Variants in JAG2 observed in about 807,000 individuals in gnomAD.
The protein encoded by JAG2 is protein jagged-2.
A neutral mutation model predicts 141.7 loss-of-function variants in JAG2; 46 were observed. That is an observed-to-expected ratio of 0.32 (90% CI 0.26 to 0.42). The LOEUF is 0.42. Ranked by LOEUF, JAG2 falls within the 10% of genes least tolerant of loss-of-function variation. JAG2 has a pLI of 1.00. For missense variants in JAG2, 1,500 were observed against 1,817.5 expected, an observed-to-expected ratio of 0.83 and a Z score of 3.18; for synonymous variants, 862 against 763.5, an observed-to-expected ratio of 1.13 and a Z score of -2.13.
At position 105,150,589 on chromosome 14, in the gene JAG2, C is replaced by G; in HGVS notation, c.1602+15G>C. On this transcript the variant is annotated intron_variant, in intron 12 of 25. Transcript: ENST00000331782. ...CAGAGCAGCAGGTGGGGCAGGGTGA[C>G]CAGGCAGACCTCACCTCACAGAGAG... is the stretch of plus-strand genomic sequence containing the variant. 6.5e-7 allele frequency: 1 copy of G among 1,544,004 alleles called. No individual in the cohort carries two copies. The highest frequency in any genetic ancestry group is 1.4e-5 in the African/African-American group (1 of 73,034).
intron 2 of JAG2, among the ~76,000 whole-genome samples, chr14:105,162,656 ACCTT>A (rs1318656567): frequency 6.9e-6 from 1 of 144,770 alleles, no homozygotes; most frequent in Non-Finnish European, 1.5e-5. Flanking sequence ...GGTCCAGGGC[ACCTT>A]AAAGCCCAGG....
chr14:105,152,735 G>A (rs1888474633), intron 5 of JAG2, among the ~76,000 whole-genome samples: 2 of 152,156 alleles, frequency 1.3e-5, no homozygotes, highest in Admixed American at 1.3e-4. Context: ...GGCACAGCAC[G>A]TGCCCTCGCC....
intron 24 of JAG2, 113 bp from the exon 25 acceptor site, chr14:105,143,751 G>T: frequency 7.6e-7 from 1 of 1,317,056 alleles, no homozygotes; most frequent in Non-Finnish European, 1.1e-6. Flanking sequence ...CACGGGAGAC[G>T]AGAGCCCGGG....
intron 3 of JAG2, among the ~76,000 whole-genome samples, chr14:105,156,259 G>A: frequency 6.6e-6 from 1 of 152,184 alleles, no homozygotes; most frequent in East Asian, 1.9e-4. Flanking sequence ...GGGCCCTGCA[G>A]GGAGGGCTGC....
At chr14:105,164,500 GA>G (rs1214359184) in intron 2 of JAG2, among the ~76,000 whole-genome samples, 1 of 152,232 alleles carries the variant, frequency 6.6e-6, no homozygotes, top group African/African-American at 2.4e-5. Flanking sequence ...AGGATCCCCT[GA>G]AGGTAGGGTG....
Position 105,148,359 on chromosome 14 carries a change from C to T in JAG2, c.2101G>A (p.Asp701Asn), listed in dbSNP as rs192887377. The T allele has an allele frequency of 1.4e-4, 224 of 1,611,632 alleles. 1 individual carries two copies. In the East Asian group the frequency reaches 1.7e-3, roughly 12 times the overall value. Residue 701 changes from aspartate (D) to asparagine (N), a missense_variant, in exon 16 of 26, where the codon GAC (aspartate) becomes AAC (asparagine). Asp to Asn is a conservative substitution (Grantham distance 23). Coordinates refer to ENST00000331782, the MANE Select transcript of JAG2 (RefSeq NM_002226.5). ...CAGGTCTTGCCCTTCCAGCCGTCGTCGCACGCACAGTAGAAGTCATTGACC... is the reference window on the plus strand; with the variant it reads ...CAGGTCTTGCCCTTCCAGCCGTCGTTGCACGCACAGTAGAAGTCATTGACC... The part of the protein sequence containing the change: ...DLVNDFYCAC[D>N]DGWKGKTCHS...
Position 105,151,019 on chromosome 14 carries a change from C to T in JAG2, c.1353G>A (p.Pro451=), listed in dbSNP as rs749883072. 6.2e-6 allele frequency: 10 copies of T among 1,612,924 alleles called. No individual in the cohort carries two copies. Among genetic ancestry groups the T allele is most frequent in the East Asian group, 2.2e-5 (1 of 44,874 alleles). ...TATGGCAGTTGATGCCCTTCCAGCC[C>T]GGGATGCAATCACAGTAATAGCCGC... is the stretch of plus-strand genomic sequence containing the variant. ...LIGGYYCDCI[P]GWKGINCHIN... Residue 451 remains proline (P), a synonymous_variant, in exon 10 of 26, where the codon CCG becomes CCA. Transcript: ENST00000331782.
Position 105,150,666 on chromosome 14 carries a change from C to G in JAG2, c.1540G>C (p.Glu514Gln), listed in dbSNP as rs777136611. The change falls in exon 12 of 26, where the codon GAG becomes CAG. Residue 514 changes from glutamate to glutamine, a missense_variant. By Grantham distance (29) the Glu-to-Gln change is conservative. Coordinates refer to ENST00000331782, the MANE Select transcript of JAG2 (RefSeq NM_002226.5). ...SSPCHSGGLC[E>Q]DLADGFHCHC... The stretch of plus-strand genomic sequence containing the variant: ...CAGTGGAAGCCGTCGGCCAGGTCCT[C>G]GCAGAGGCCGCCGCTGTGGCAGGGG... 2.6e-6 allele frequency: 4 copies of G among 1,550,430 alleles called. No homozygotes were observed. The highest frequency in any genetic ancestry group is 3.5e-6 in the Non-Finnish European group (4 of 1,147,022).
intron 1 of JAG2, 58 bp downstream of exon 1, chr14:105,168,297 T>C: frequency 1.5e-6 from 1 of 655,724 alleles, no homozygotes; most frequent in Non-Finnish European, 1.9e-6. Flanking sequence ...GCCCGGCCCC[T>C]AGGGGCGGCC....
intron 25 of JAG2, 91 bp downstream of exon 25, chr14:105,143,391 G>A: frequency 6.9e-7 from 1 of 1,458,932 alleles, no homozygotes. Context: ...GTTCCTGGTG[G>A]CTGGCAGGAT....
Position 105,142,706 on chromosome 14 carries a change from C to A in JAG2, c.3706G>T (p.Gly1236Cys), listed in dbSNP as rs201557978. Reference sequence around the variant, plus strand: ...GCTGGCAGCCGCCCCTACTCCTTGCCGGCGTAGCGGGCCTCATTGATGCTC... The same window carrying A: ...GCTGGCAGCCGCCCCTACTCCTTGCAGGCGTAGCGGGCCTCATTGATGCTC... Reference protein sequence around the residue: ...VRSINEARYAGKE With the variant: ...VRSINEARYACKE The change falls in exon 26 of 26, where the codon GGC becomes TGC. Residue 1236 changes from glycine to cysteine, a missense_variant. Gly to Cys is a radical substitution (Grantham distance 159). Transcript: ENST00000331782. 1.1e-5 allele frequency: 18 copies of A among 1,599,468 alleles called. No individual in the cohort carries two copies. Among genetic ancestry groups the A allele is most frequent in the Middle Eastern group, 1.6e-4 (1 of 6,070 alleles).
intron 15 of JAG2, 90 bp from the exon 16 acceptor site, chr14:105,148,529 T>C (rs1595175687): frequency 1.2e-6 from 1 of 859,978 alleles, no homozygotes; most frequent in East Asian, 2.8e-5. Context: ...CTGGGCCAGG[T>C]GAGGACAGAG....
chr14:105,145,522 G>C (rs1165300523), intron 23 of JAG2, among the ~76,000 whole-genome samples: 1 of 152,190 alleles, frequency 6.6e-6, no homozygotes, highest in Non-Finnish European at 1.5e-5. Flanking sequence ...CCCCCAGCTG[G>C]CTGCTCTCCC....
At chr14:105,149,811 G>T (rs587627788) in intron 12 of JAG2, among the ~76,000 whole-genome samples, 6 of 133,376 alleles carry the variant, frequency 4.5e-5, no homozygotes, top group Non-Finnish European at 8.0e-5. Flanking sequence ...GGAGGTGGGT[G>T]GGGGGAGGCA....
chr14:105,147,603 G>T, intron 18 of JAG2, 76 bp from the exon 19 acceptor site: 1 of 1,464,954 alleles, frequency 6.8e-7, no homozygotes, highest in Non-Finnish European at 9.5e-7. Flanking sequence ...GGCTGGCTTG[G>T]CGTGATCAGG....
chr14:105,150,356 G>A (rs587664624), intron 12 of JAG2, among the ~76,000 whole-genome samples: 10 of 152,172 alleles, frequency 6.6e-5, no homozygotes, highest in Non-Finnish European at 8.8e-5. Context: ...CCAGCAGCCC[G>A]GGGGCTCCTA....
At chr14:105,157,465 A>G (rs1392915229) in intron 3 of JAG2, among the ~76,000 whole-genome samples, 1 of 152,204 alleles carries the variant, frequency 6.6e-6, no homozygotes, top group Non-Finnish European at 1.5e-5. Flanking sequence ...ATGGGCCCCA[A>G]AAGAGCACAC....
rs587721362 is a variant in JAG2, at chr14:105,163,243, G to A, written c.417+4514C>T. Among the ~76,000 whole-genome samples, 15 of 152,294 alleles carry A rather than the reference G, an allele frequency of 9.8e-5. No homozygotes were observed. The South Asian group carries it at 2.5e-3, about 25-fold the overall frequency. ...CAGGCCTCTGCCACCATTGTCACCC[G>A]AGGCAGGGAAGAAGGGGTGGGGGCA... On this transcript the variant is annotated intron_variant, in intron 2 of 25. Coordinates refer to ENST00000331782, the MANE Select transcript of JAG2 (RefSeq NM_002226.5).
At chr14:105,146,059 C>G in intron 22 of JAG2, 86 bp from the exon 23 acceptor site, 1 of 1,536,346 alleles carries the variant, frequency 6.5e-7, no homozygotes, top group Non-Finnish European at 8.7e-7. Context: ...CAGGCAGGCA[C>G]GGGCCCCATG....
Sources: allele counts gnomAD v4.1 joint callset (sites outside exome capture counted in the v4.1 genomes callset), GRCh38; gene constraint gnomAD v4.1.1; transcripts MANE v1.5; gene names NCBI Gene and HGNC (gene_info 2026-07-23, HGNC 2026-07-21).